The following TRAPPC12 variants were observed in gnomAD, a reference collection of about 807,000 sequenced individuals.
The protein encoded by TRAPPC12 is trafficking protein particle complex subunit 12.
A neutral mutation model predicts 69.2 loss-of-function variants in TRAPPC12; 61 were observed. The observed-to-expected ratio is 0.88, with a 90% CI of 0.72 to 1.09. The LOEUF (loss-of-function observed/expected upper bound fraction) is 1.09. TRAPPC12 is among the 50% of genes least tolerant of loss of function. The pLI is 0.00. For missense variants in TRAPPC12, 1,101 were observed against 1,016.4 expected (o/e 1.08, Z -1.13); for synonymous variants, 469 against 438.9 (o/e 1.07, Z -0.86).
chr2:3,426,349 A>G (rs572558697), intron 5 of TRAPPC12, among the ~76,000 whole-genome samples: 16 of 152,246 alleles, frequency 1.1e-4, no homozygotes, highest in Non-Finnish European at 2.1e-4. Context: ...CAACACCACT[A>G]TCACTCTCGG....
At chr2:3,412,252 G>GA (rs35270831) in intron 3 of TRAPPC12, among the ~76,000 whole-genome samples, 25,636 of 152,168 alleles carry the variant, frequency 0.17, 2,475 homozygotes, top group Non-Finnish European at 0.22. Context: ...CCATGAGCAG[G>GA]AAAGGCACCA....
At chr2:3,391,859 G>A (rs1368823389) in intron 2 of TRAPPC12, among the ~76,000 whole-genome samples, 1 of 152,014 alleles carries the variant, frequency 6.6e-6, no homozygotes, top group Non-Finnish European at 1.5e-5. Flanking sequence ...TGTCCTCTCT[G>A]CTGTAAAATT....
intron 6 of TRAPPC12, among the ~76,000 whole-genome samples, chr2:3,450,089 C>CTA (rs1664772421): frequency 6.6e-6 from 1 of 152,142 alleles, no homozygotes; most frequent in Non-Finnish European, 1.5e-5. Flanking sequence ...TCAGAAACCT[C>CTA]TAGAGTTCAT....
chr2:3,423,555 T>TCA (rs1302475667), intron 4 of TRAPPC12, among the ~76,000 whole-genome samples: 1 of 151,400 alleles, frequency 6.6e-6, no homozygotes, highest in African/African-American at 2.4e-5. Flanking sequence ...TTCTGTGAGT[T>TCA]CAGTGTTTTC....
At position 3,387,076 on chromosome 2, in the gene TRAPPC12, A is replaced by G. The variant is rs939988706; in HGVS notation, c.-4-544A>G. On this transcript the variant is annotated intron_variant, in intron 1 of 11. Coordinates refer to ENST00000324266, the MANE Select transcript of TRAPPC12 (RefSeq NM_016030.6). ...CAGGGTCTCAAAGAGCTGTTTGTAC[A>G]GCCACGTTCATTGCAGCAGCATCCA... Among the ~76,000 whole-genome samples, 11 of 152,374 alleles carry G rather than the reference A, an allele frequency of 7.2e-5. No homozygotes were observed. The East Asian group carries it at 2.1e-3, about 29-fold the overall frequency.
intron 5 of TRAPPC12, among the ~76,000 whole-genome samples, chr2:3,442,500 G>A (rs534606574): frequency 4.6e-5 from 7 of 152,280 alleles, no homozygotes; most frequent in African/African-American, 9.6e-5. Flanking sequence ...CTAGAAAACC[G>A]AAGTGACTCA....
chr2:3,408,732 C>T (rs935883582), intron 3 of TRAPPC12, among the ~76,000 whole-genome samples: 1 of 152,156 alleles, frequency 6.6e-6, no homozygotes, highest in Non-Finnish European at 1.5e-5. Context: ...AAAACTTGTA[C>T]ATGTGTGTAA....
At chr2:3,403,039 C>T (rs748638925) in intron 3 of TRAPPC12, among the ~76,000 whole-genome samples, 18 of 152,150 alleles carry the variant, frequency 1.2e-4, no homozygotes, top group Non-Finnish European at 7.3e-5. Flanking sequence ...CGCCCTTATC[C>T]TGACTGTATT....
intron 8 of TRAPPC12, among the ~76,000 whole-genome samples, chr2:3,465,351 CCG>C (rs1665751493): frequency 6.6e-6 from 1 of 152,218 alleles, no homozygotes; most frequent in African/African-American, 2.4e-5. Context: ...GCGACAGCCC[CCG>C]GTGACAGGCA....
At position 3,401,826 on chromosome 2, in the gene TRAPPC12, C is replaced by A; in HGVS notation, c.1097C>A (p.Ala366Glu). Residue 366 changes from alanine to glutamate, a missense_variant, in exon 3 of 12, where the codon GCA becomes GAA. Physicochemically the swap from Ala to Glu is moderately radical, Grantham distance 107. Coordinates refer to ENST00000324266, the MANE Select transcript of TRAPPC12 (RefSeq NM_016030.6). ...CTTCGCTTTCTGGGTGAAAAAGCTG[C>A]AGCAAAGAGACAAGTCCTAAATGCC... is the stretch of plus-strand genomic sequence containing the variant. ...LMLRFLGEKA[A>E]AKRQVLNADS... The A allele has an allele frequency of 6.2e-7, 1 of 1,601,298 alleles. No homozygotes were observed. Among genetic ancestry groups the A allele is most frequent in the Non-Finnish European group, 8.5e-7 (1 of 1,175,336 alleles).
intron 3 of TRAPPC12, among the ~76,000 whole-genome samples, chr2:3,410,919 A>G (rs891883586): frequency 1.3e-5 from 2 of 152,152 alleles, no homozygotes; most frequent in African/African-American, 2.4e-5. Flanking sequence ...AGTCCCAGCT[A>G]CTCGGGAGGC....
rs376618760 is a variant in TRAPPC12, at chr2:3,446,090, T to G, written c.1530+2199T>G. ...AGGCTGACTGGGCGTGGGGCCACCGTCAGTGAGAGAGCCACTCATGCTTCT... is the reference window on the plus strand; with the variant it reads ...AGGCTGACTGGGCGTGGGGCCACCGGCAGTGAGAGAGCCACTCATGCTTCT... On this transcript the variant is annotated intron_variant, in intron 6 of 11. Coordinates refer to ENST00000324266, the MANE Select transcript of TRAPPC12 (RefSeq NM_016030.6). Among the ~76,000 whole-genome samples, 22 of 152,352 alleles carry G rather than the reference T, an allele frequency of 1.4e-4. No individual in the cohort carries two copies. In the East Asian group the frequency reaches 3.9e-3, roughly 27 times the overall value.
At chr2:3,405,090 C>G (rs1661654663) in intron 3 of TRAPPC12, among the ~76,000 whole-genome samples, 1 of 139,334 alleles carries the variant, frequency 7.2e-6, no homozygotes, top group Non-Finnish European at 1.5e-5. Context: ...GCATGGCCTG[C>G]GGAGGTGACT....
At chr2:3,456,824 C>T (rs1665178386) in intron 6 of TRAPPC12, 1 of 261,386 alleles carries the variant, frequency 3.8e-6, no homozygotes. Flanking sequence ...AGTGACCCAC[C>T]TGCCTCGGCC....
chr2:3,384,548 T>C (rs1660406918), intron 1 of TRAPPC12, among the ~76,000 whole-genome samples: 1 of 152,242 alleles, frequency 6.6e-6, no homozygotes, highest in East Asian at 1.9e-4. Context: ...TTAGATACTT[T>C]CTTGTGCATC....
intron 10 of TRAPPC12, among the ~76,000 whole-genome samples, chr2:3,478,352 G>A (rs1391573030): frequency 6.6e-6 from 1 of 152,214 alleles, no homozygotes; most frequent in Non-Finnish European, 1.5e-5. Flanking sequence ...GAGTGGCTTG[G>A]CCGGGTGCAG....
At position 3,474,548 on chromosome 2, in the gene TRAPPC12, G is replaced by A. The variant is rs535510886; in HGVS notation, c.1777-3147G>A. Among the ~76,000 whole-genome samples, 11 of 152,290 alleles carry A rather than the reference G, an allele frequency of 7.2e-5. No homozygotes were observed. The South Asian group carries it at 8.3e-4, about 11-fold the overall frequency. ...CAAGGAGGGGAGGGCCAGACCCAGC[G>A]CACAGTTCCAGTTTCTGCCACGGAA... is the stretch of plus-strand genomic sequence containing the variant. On this transcript the variant is annotated intron_variant, in intron 9 of 11. Coordinates refer to ENST00000324266, the MANE Select transcript of TRAPPC12 (RefSeq NM_016030.6).
At chr2:3,393,690 A>T (rs1421440636) in intron 2 of TRAPPC12, among the ~76,000 whole-genome samples, 5 of 56,832 alleles carry the variant, frequency 8.8e-5, no homozygotes, top group Middle Eastern at 8.9e-3. Flanking sequence ...ACCCACATTT[A>T]AAAAAAAAAA....
At position 3,414,845 on chromosome 2, in the gene TRAPPC12, A is replaced by G. The variant is rs1662280816; in HGVS notation, c.1165-7036A>G. ...CATAAACACACGTATGTGTGCATGT[A>G]TGTATTTCTTATGGACATCACGTAC... is the stretch of plus-strand genomic sequence containing the variant. On this transcript the variant is annotated intron_variant, in intron 3 of 11. Coordinates refer to ENST00000324266, the MANE Select transcript of TRAPPC12 (RefSeq NM_016030.6). This position sits in a 1 kb window ranked among gnomAD's most constrained non-coding sequence, Gnocchi z 4.9. Among the ~76,000 whole-genome samples, 3 of 152,058 alleles carry G rather than the reference A, an allele frequency of 2.0e-5. No individual in the cohort carries two copies. The South Asian group carries it at 6.2e-4, about 32-fold the overall frequency.
Sources: allele counts gnomAD v4.1 joint callset (sites outside exome capture counted in the v4.1 genomes callset), GRCh38; gene constraint gnomAD v4.1.1; non-coding constraint Gnocchi (gnomAD v3.1); transcripts MANE v1.5; gene names NCBI Gene and HGNC (gene_info 2026-07-23, HGNC 2026-07-21).